SAMD12: variants seen among roughly 807,000 people sequenced by gnomAD.
SAMD12 encodes sterile alpha motif domain containing 12.
Under a neutral mutation model 15.0 loss-of-function variants are expected in SAMD12, and 9 were observed. The ratio of observed to expected loss-of-function variants is 0.60; its 90% CI spans 0.36 to 1.05. SAMD12 has a LOEUF of 1.05. Ranked by LOEUF, SAMD12 falls within the 50% of genes least tolerant of loss-of-function variation. The probability of loss-of-function intolerance (pLI) is 0.01; values close to 1 mark genes in which losing one functional copy is unlikely to be tolerated. For synonymous variants in SAMD12, 86 were observed against 90.1 expected (o/e 0.96, Z 0.25); for missense variants, 230 against 234.2 (o/e 0.98, Z 0.12).
intron 1 of SAMD12, among the ~76,000 whole-genome samples, chr8:118,582,828 CAGAACA>C (rs1827329901): frequency 6.6e-6 from 1 of 151,134 alleles, no homozygotes; most frequent in Admixed American, 6.6e-5. Flanking sequence ...TATTAGCTGA[CAGAACA>C]AGAAGTCCAG....
chr8:118,219,795 C>G (rs1419606660), intron 4 of SAMD12, among the ~76,000 whole-genome samples: 2 of 152,202 alleles, frequency 1.3e-5, no homozygotes, highest in Non-Finnish European at 2.9e-5. Context: ...TTGGACCAGT[C>G]CTGACACCAG....
At chr8:118,309,386 G>GTA (rs59932098) in intron 4 of SAMD12, among the ~76,000 whole-genome samples, 6,907 of 151,250 alleles carry the variant, frequency 0.046, 471 homozygotes, top group African/African-American at 0.15. Context: ...ATATATGTGT[G>GTA]TGTGTGTGTG....
chr8:118,468,835 G>T (rs1823673056), intron 2 of SAMD12, among the ~76,000 whole-genome samples: 1 of 152,174 alleles, frequency 6.6e-6, no homozygotes, highest in South Asian at 2.1e-4. Context: ...AAAAGCAATT[G>T]CCAAGCTAAG....
chr8:118,580,316 C>T (rs761761254), intron 2 of SAMD12, among the ~76,000 whole-genome samples: 4 of 152,152 alleles, frequency 2.6e-5, no homozygotes, highest in African/African-American at 7.2e-5. Context: ...AGCATACAAT[C>T]GTTTGATCTG....
intron 4 of SAMD12, among the ~76,000 whole-genome samples, chr8:118,214,813 A>G (rs976985437): frequency 6.6e-6 from 1 of 152,172 alleles, no homozygotes; most frequent in African/African-American, 2.4e-5. Context: ...CTTGTTTCCT[A>G]CAGAAATCAG....
chr8:118,559,621 T>C (rs1053586774), intron 2 of SAMD12, among the ~76,000 whole-genome samples: 2 of 152,220 alleles, frequency 1.3e-5, no homozygotes, highest in Non-Finnish European at 2.9e-5. Context: ...TGGGGACATA[T>C]GTGACATGCA....
intron 4 of SAMD12, among the ~76,000 whole-genome samples, chr8:118,248,209 C>T (rs1181995115): frequency 6.6e-6 from 1 of 152,104 alleles, no homozygotes; most frequent in Admixed American, 6.6e-5. Flanking sequence ...CCAAATATAG[C>T]CTGATTTCAA....
At chr8:118,478,845 G>C (rs1400004053) in intron 2 of SAMD12, among the ~76,000 whole-genome samples, 2 of 152,204 alleles carry the variant, frequency 1.3e-5, no homozygotes, top group East Asian at 1.9e-4. Flanking sequence ...GAACTCATTA[G>C]AGAAGAGCTG....
chr8:118,347,810 C>CTCTTACTGTGTGTTAA (rs1464225752), intron 4 of SAMD12, among the ~76,000 whole-genome samples: 3 of 152,180 alleles, frequency 2.0e-5, no homozygotes, highest in African/African-American at 7.2e-5. Flanking sequence ...TCTTACATAG[C>CTCTTACTGTGTGTTAA]TCTTACTGTG....
chr8:118,133,102 A>G, the SAMD12 span, among the ~76,000 whole-genome samples: 2 of 145,908 alleles, frequency 1.4e-5, no homozygotes, highest in African/African-American at 5.1e-5. Context: ...TATCTGAATG[A>G]TTTCCATGTT....
intron 2 of SAMD12, among the ~76,000 whole-genome samples, chr8:118,524,168 A>G (rs764449506): frequency 5.9e-5 from 9 of 152,130 alleles, no homozygotes; most frequent in Non-Finnish European, 1.3e-4. Flanking sequence ...CAAATCCACC[A>G]GACCCACTCT....
downstream of SAMD12, among the ~76,000 whole-genome samples, chr8:118,186,801 T>C (rs72675840): frequency 1.7e-3 from 254 of 152,138 alleles, 1 homozygote; most frequent in Non-Finnish European, 1.9e-3. Flanking sequence ...AGGGTTGAGA[T>C]TTAGAAGGTT....
intron 4 of SAMD12, among the ~76,000 whole-genome samples, chr8:118,347,125 C>A (rs976897658): frequency 6.6e-6 from 1 of 152,162 alleles, no homozygotes; most frequent in African/African-American, 2.4e-5. Context: ...GACAGGGTCT[C>A]GCTGTGTAGC....
intron 4 of SAMD12, among the ~76,000 whole-genome samples, chr8:118,250,176 T>C (rs908380290): frequency 6.6e-6 from 1 of 152,060 alleles, no homozygotes; most frequent in Non-Finnish European, 1.5e-5. Flanking sequence ...AACATGTCAT[T>C]GAATTACCAG....
intron 4 of SAMD12, among the ~76,000 whole-genome samples, chr8:118,282,598 G>C (rs1054200987): frequency 2.0e-5 from 3 of 152,086 alleles, no homozygotes; most frequent in Non-Finnish European, 4.4e-5. Flanking sequence ...TGGTGGTGGT[G>C]GTGGTTATTC....
At chr8:118,583,255 T>G (rs534645481) in intron 1 of SAMD12, among the ~76,000 whole-genome samples, 81 of 152,196 alleles carry the variant, frequency 5.3e-4, no homozygotes, top group Non-Finnish European at 9.8e-4. Flanking sequence ...CTTTAGGCAG[T>G]GCTGGAAAGA....
chr8:118,617,505 C>A (rs1828267308), intron 1 of SAMD12, among the ~76,000 whole-genome samples: 1 of 152,174 alleles, frequency 6.6e-6, no homozygotes, highest in Non-Finnish European at 1.5e-5. Flanking sequence ...TCATTAAGAG[C>A]ACACAGTCTT....
At chr8:118,444,422 G>A (rs1822847530) in intron 2 of SAMD12, among the ~76,000 whole-genome samples, 1 of 152,036 alleles carries the variant, frequency 6.6e-6, no homozygotes, top group South Asian at 2.1e-4. Flanking sequence ...CCTTGCTACA[G>A]ACAATCTGAA....
intron 2 of SAMD12, among the ~76,000 whole-genome samples, chr8:118,469,463 A>G (rs1235307962): frequency 9.5e-6 from 1 of 104,766 alleles, no homozygotes; most frequent in Admixed American, 1.6e-4. Context: ...AAGTATACAC[A>G]TTTATACAGA....
Sources: allele counts gnomAD v4.1 joint callset (sites outside exome capture counted in the v4.1 genomes callset), GRCh38; gene constraint gnomAD v4.1.1; transcripts MANE v1.5; gene names NCBI Gene and HGNC (gene_info 2026-07-23, HGNC 2026-07-21).